Variants in GPC5 observed in about 807,000 individuals in gnomAD.
GPC5 encodes the protein glypican-5.
GPC5 carries 47 observed loss-of-function variants against 53.9 expected under a neutral mutation model. That is an observed-to-expected ratio of 0.87 (90% CI 0.69 to 1.11). GPC5 has a LOEUF of 1.11. GPC5 is among the 50% of genes most tolerant of loss of function. The pLI is 0.00. For missense variants in GPC5, 748 were observed against 713.1 expected (o/e 1.05, Z -0.56); for synonymous variants, 286 against 263.3 (o/e 1.09, Z -0.84).
chr13:92,792,220 A>C lies in GPC5; in HGVS notation c.1562-74062A>C, dbSNP rs1023163499. 6.6e-5 allele frequency among the ~76,000 whole-genome samples: 10 copies of C among 152,254 alleles called. No individual in the cohort carries two copies. The South Asian group carries it at 1.9e-3, about 28-fold the overall frequency. ...GACTAACAGCAGATCTCTCGGCAGA[A>C]ACCCTACAAGCCAGAAGAGAGTGGG... On this transcript the variant is annotated intron_variant, in intron 7 of 7. Transcript: ENST00000377067.
At chr13:91,772,854 A>G (rs1360613839) in intron 5 of GPC5, among the ~76,000 whole-genome samples, 1 of 152,196 alleles carries the variant, frequency 6.6e-6, no homozygotes, top group Non-Finnish European at 1.5e-5. Context: ...GGAGCTCTCC[A>G]GATGATTCTG....
intron 7 of GPC5, among the ~76,000 whole-genome samples, chr13:92,834,461 C>T (rs1328675432): frequency 6.6e-6 from 1 of 152,048 alleles, no homozygotes; most frequent in East Asian, 1.9e-4. Context: ...TACTCACAAG[C>T]ATCAGTAACA....
rs761812897 is a variant in GPC5 at position 92,866,379 on chromosome 13, G to A, written c.1659G>A (p.Ala553=). 1.6e-5 allele frequency: 26 copies of A among 1,612,504 alleles called. No individual in the cohort carries two copies. Among genetic ancestry groups the A allele is most frequent in the Middle Eastern group, 1.6e-4 (1 of 6,072 alleles). Residue 553 remains alanine (A), a synonymous_variant, in exon 8 of 8, where the codon GCG becomes GCA. Coordinates refer to ENST00000377067, the MANE Select transcript of GPC5 (RefSeq NM_004466.6). ...CAACAGGAGCAGGATGTGCAGTGGC[G>A]ACTGAATCTATGACATTCACTCTGA... ...LDTTGAGCAV[A]TESMTFTLIS...
At chr13:91,726,080 C>G (rs1445912770) in intron 3 of GPC5, among the ~76,000 whole-genome samples, 2 of 152,140 alleles carry the variant, frequency 1.3e-5, no homozygotes, top group African/African-American at 4.8e-5. Flanking sequence ...AACATACTTT[C>G]CTCATTTTTG....
intron 7 of GPC5, among the ~76,000 whole-genome samples, chr13:92,332,882 T>C (rs1926639): frequency 0.46 from 69,986 of 152,034 alleles, 17,209 homozygotes; most frequent in African/African-American, 0.65. Flanking sequence ...TTTCCAGTTC[T>C]ACTTATAAGT....
intron 7 of GPC5, among the ~76,000 whole-genome samples, chr13:92,781,258 CA>C (rs1876015211): frequency 6.6e-6 from 1 of 151,988 alleles, no homozygotes; most frequent in Admixed American, 6.6e-5. Context: ...GTAGTATCCA[CA>C]AAATATATAT....
At chr13:91,907,648 T>C (rs984596817) in intron 5 of GPC5, among the ~76,000 whole-genome samples, 1 of 151,396 alleles carries the variant, frequency 6.6e-6, no homozygotes, top group African/African-American at 2.4e-5. Context: ...AAGTGAGATA[T>C]ATATTAACTC....
At chr13:91,963,659 A>G (rs2040148171) in intron 6 of GPC5, among the ~76,000 whole-genome samples, 1 of 152,154 alleles carries the variant, frequency 6.6e-6, no homozygotes, top group African/African-American at 2.4e-5. Context: ...GCAGGAACAG[A>G]GACAAAAAGA....
rs767678706 is a variant in GPC5, at chr13:91,672,472, A to AGG, written c.326-20715_326-20714insGG. 1.7e-3 allele frequency among the ~76,000 whole-genome samples: 260 copies of AGG among 152,174 alleles called. 1 individual carries two copies. The highest frequency in any genetic ancestry group is 6.1e-3 in the African/African-American group (254 of 41,498). ...AAGAAGGCATTTACACGGTCAACAAACATATGAAGAAAAGCTCAACATTAC... is the reference window on the plus strand; with the variant it reads ...AAGAAGGCATTTACACGGTCAACAAAGGCATATGAAGAAAAGCTCAACATTAC... On this transcript the variant is annotated intron_variant, in intron 2 of 7. Coordinates refer to ENST00000377067, the MANE Select transcript of GPC5 (RefSeq NM_004466.6).
At chr13:92,633,298 C>A (rs371389582) in intron 7 of GPC5, among the ~76,000 whole-genome samples, 2 of 151,944 alleles carry the variant, frequency 1.3e-5, no homozygotes, top group East Asian at 3.9e-4. Context: ...TGGAGACACA[C>A]CCAAACGGTA....
At chr13:92,011,243 A>G (rs999486003) in intron 6 of GPC5, among the ~76,000 whole-genome samples, 2 of 152,120 alleles carry the variant, frequency 1.3e-5, no homozygotes, top group Admixed American at 1.3e-4. Flanking sequence ...TCTCCTTTCC[A>G]TCCTCTATTT....
At chr13:91,739,148 G>A (rs1160695641) in intron 4 of GPC5, among the ~76,000 whole-genome samples, 3 of 151,442 alleles carry the variant, frequency 2.0e-5, no homozygotes, top group Admixed American at 2.0e-4. Flanking sequence ...TTAAGTTCAT[G>A]ACTGAGCCCT....
intron 5 of GPC5, among the ~76,000 whole-genome samples, chr13:91,839,341 T>TAA (rs948299868): frequency 3.9e-5 from 6 of 152,130 alleles, no homozygotes; most frequent in Non-Finnish European, 8.8e-5. Flanking sequence ...AGGGTTCTAG[T>TAA]AATTTACACC....
At chr13:92,535,080 G>T (rs891237863) in intron 7 of GPC5, among the ~76,000 whole-genome samples, 3 of 152,070 alleles carry the variant, frequency 2.0e-5, no homozygotes, top group African/African-American at 7.2e-5. Flanking sequence ...TTTAAATTAG[G>T]TTAGTTTCAG....
chr13:91,484,682 C>A (rs1433436470), intron 2 of GPC5, among the ~76,000 whole-genome samples: 1 of 152,092 alleles, frequency 6.6e-6, no homozygotes, highest in African/African-American at 2.4e-5. Context: ...TTTCTTCTTG[C>A]TTTCACATAT....
chr13:92,038,258 T>C (rs915558068), intron 6 of GPC5, among the ~76,000 whole-genome samples: 7 of 151,912 alleles, frequency 4.6e-5, no homozygotes, highest in African/African-American at 1.7e-4. Context: ...TTATCAGAGA[T>C]CGGTACTAAA....
chr13:91,463,167 T>G (rs1359308867), intron 2 of GPC5, among the ~76,000 whole-genome samples: 1 of 152,064 alleles, frequency 6.6e-6, no homozygotes, highest in Non-Finnish European at 1.5e-5. Context: ...ACTCAAATCC[T>G]CCCGTATACT....
At chr13:92,076,078 A>ATTT (rs34708469) in intron 6 of GPC5, among the ~76,000 whole-genome samples, 8 of 146,070 alleles carry the variant, frequency 5.5e-5, no homozygotes, top group Non-Finnish European at 7.5e-5. Flanking sequence ...CGAAAGTATA[A>ATTT]TTTTTTTTTT....
chr13:91,528,659 C>T (rs1886196451), intron 2 of GPC5, among the ~76,000 whole-genome samples: 1 of 152,104 alleles, frequency 6.6e-6, no homozygotes, highest in African/African-American at 2.4e-5. Flanking sequence ...CTCCCAGTAC[C>T]AGTTTTCTGT....
Sources: gnomAD v4.1 joint callset for allele counts (sites outside exome capture counted in the v4.1 genomes callset) on GRCh38, gnomAD v4.1.1 for gene constraint, MANE v1.5 for transcripts, NCBI Gene and HGNC (gene_info 2026-07-23, HGNC 2026-07-21) for gene names.